The following SRBD1 variants were observed in gnomAD, a reference collection of about 807,000 sequenced individuals.
The protein encoded by SRBD1 is S1 RNA binding domain 1, also known as S1 RNA-binding domain-containing protein 1.
A neutral mutation model predicts 115.3 loss-of-function variants in SRBD1; 88 were observed. The ratio of observed to expected loss-of-function variants is 0.76; its 90% CI spans 0.64 to 0.91. The LOEUF (loss-of-function observed/expected upper bound fraction) is 0.91, where lower values mean the gene tolerates loss of function less well. SRBD1 is among the 40% of genes least tolerant of loss of function. SRBD1 has a pLI of 0.00. For missense variants in SRBD1, 1,385 were observed against 1,177.4 expected, an observed-to-expected ratio of 1.18 and a Z score of -2.58; for synonymous variants, 509 against 407.7, an observed-to-expected ratio of 1.25 and a Z score of -2.99.
chr2:45,573,208 T>G lies in SRBD1; in HGVS notation c.1304A>C (p.Gln435Pro), dbSNP rs763492258. ...TGCACATGCAGTTTCTTTATTTACCTGATGATGGTGAATGTTTCTTATGTT... is the reference window on the plus strand; with the variant it reads ...TGCACATGCAGTTTCTTTATTTACCGGATGATGGTGAATGTTTCTTATGTT... Reference protein sequence around the residue: ...SCNIRNIHHHQILAINRGENL... With the variant: ...SCNIRNIHHHPILAINRGENL... The change falls in exon 9 of 21, where the codon CAG becomes CCG. Residue 435 changes from glutamine (Q) to proline (P), a missense_variant and splice_region_variant. Coordinates refer to ENST00000263736, the MANE Select transcript of SRBD1 (RefSeq NM_018079.5). The G allele has an allele frequency of 1.2e-5, 19 of 1,603,052 alleles. No homozygotes were observed. The Admixed American group carries it at 3.3e-4, about 28-fold the overall frequency.
At chr2:45,447,880 T>C (rs1198156674) in intron 16 of SRBD1, 4 of 152,170 alleles carry the variant, frequency 2.6e-5, no homozygotes, top group Non-Finnish European at 5.9e-5. Context: ...CAAGTTTCCA[T>C]AGTAAACAGT....
intron 7 of SRBD1, among the ~76,000 whole-genome samples, chr2:45,575,844 C>A (rs184454947): frequency 2.5e-4 from 38 of 152,266 alleles, no homozygotes; most frequent in African/African-American, 8.9e-4. Flanking sequence ...ACAGGGATTA[C>A]AGGCACACAC....
intron 1 of SRBD1, among the ~76,000 whole-genome samples, chr2:45,605,873 C>T (rs542800570): frequency 2.8e-4 from 40 of 143,366 alleles, no homozygotes; most frequent in African/African-American, 1.0e-3. Flanking sequence ...AATTGCACTC[C>T]AGCCTGGGCA....
In SRBD1 at chr2:45,599,738, C is replaced by T. The variant is rs999278082; in HGVS notation, c.359G>A (p.Cys120Tyr). 8 of 1,614,078 alleles carry T rather than the reference C, an allele frequency of 5.0e-6. No homozygotes were observed. The African/African-American group carries it at 6.7e-5, about 13-fold the overall frequency. Residue 120 changes from cysteine to tyrosine, a missense_variant, in exon 4 of 21, where the codon TGT becomes TAT. Physicochemically the swap from Cys to Tyr is radical, Grantham distance 194. Transcript: ENST00000263736. ...TCGAACTGTATGTGGCTGCGCTGCA[C>T]ATTTCTGTTTTGTCTTGGCTGTTTT... ...TLKTAKTKQK[C>Y]AAQPHTVRRT... is the part of the protein sequence containing the mutation.
At chr2:45,496,028 C>T (rs574456423) in intron 14 of SRBD1, among the ~76,000 whole-genome samples, 1 of 152,074 alleles carries the variant, frequency 6.6e-6, no homozygotes, top group Admixed American at 6.6e-5. Context: ...CATATAATAC[C>T]AGATTATCTG....
intron 1 of SRBD1, among the ~76,000 whole-genome samples, chr2:45,606,127 T>G (rs1274291237): frequency 6.6e-6 from 1 of 151,042 alleles, no homozygotes; most frequent in Non-Finnish European, 1.5e-5. Context: ...TTAAACTATA[T>G]CTCAAAGACA....
At chr2:45,402,805 T>A (rs989440618) in intron 19 of SRBD1, among the ~76,000 whole-genome samples, 4 of 152,074 alleles carry the variant, frequency 2.6e-5, no homozygotes, top group Non-Finnish European at 4.4e-5. Context: ...CACATACAAA[T>A]CAGCATCATC....
At chr2:45,442,599 T>C (rs900190352) in intron 16 of SRBD1, among the ~76,000 whole-genome samples, 4 of 152,218 alleles carry the variant, frequency 2.6e-5, no homozygotes, top group African/African-American at 9.7e-5. Flanking sequence ...TCCTACGGTA[T>C]AGGAACCAAA....
At chr2:45,529,679 A>C (rs1320171842) in intron 14 of SRBD1, among the ~76,000 whole-genome samples, 1 of 152,000 alleles carries the variant, frequency 6.6e-6, no homozygotes, top group Non-Finnish European at 1.5e-5. Flanking sequence ...AAATGGGTTG[A>C]GTTAGGGATT....
intron 16 of SRBD1, among the ~76,000 whole-genome samples, chr2:45,448,728 G>A (rs1427023885): frequency 2.6e-5 from 4 of 152,134 alleles, no homozygotes; most frequent in Non-Finnish European, 1.5e-5. Context: ...AAGAACTGAA[G>A]CTACCCTGAA....
intron 16 of SRBD1, among the ~76,000 whole-genome samples, chr2:45,472,054 C>G (rs1364507892): frequency 6.6e-6 from 1 of 151,790 alleles, no homozygotes; most frequent in East Asian, 1.9e-4. Context: ...ATTTATAATA[C>G]TTGAAAGGTA....
chr2:45,560,070 G>A (rs1672611523), intron 10 of SRBD1, among the ~76,000 whole-genome samples: 2 of 151,930 alleles, frequency 1.3e-5, no homozygotes, highest in African/African-American at 2.4e-5. Context: ...GACAGACAGA[G>A]TGAGACCCTG....
chr2:45,567,373 G>A (rs982398525), intron 9 of SRBD1, among the ~76,000 whole-genome samples: 4 of 152,082 alleles, frequency 2.6e-5, no homozygotes, highest in Admixed American at 6.6e-5. Flanking sequence ...ACTTTGAGAG[G>A]CCAAAGCAGG....
chr2:45,411,421 A>G (rs767107814), intron 19 of SRBD1, among the ~76,000 whole-genome samples: 1 of 152,236 alleles, frequency 6.6e-6, no homozygotes, highest in Non-Finnish European at 1.5e-5. Flanking sequence ...GGTACTTGCT[A>G]CAACATGGAT....
intron 19 of SRBD1, among the ~76,000 whole-genome samples, chr2:45,404,944 T>C (rs1316126035): frequency 6.6e-6 from 1 of 152,122 alleles, no homozygotes; most frequent in East Asian, 1.9e-4. Flanking sequence ...CCTGGAACTC[T>C]TTCTCTAGAT....
At chr2:45,481,551 G>A (rs1669964356) in intron 15 of SRBD1, among the ~76,000 whole-genome samples, 1 of 152,084 alleles carries the variant, frequency 6.6e-6, no homozygotes, top group Admixed American at 6.6e-5. Context: ...CAAAGTAATA[G>A]AAGTCAAAAA....
At chr2:45,516,958 C>G (rs1671138693) in intron 14 of SRBD1, among the ~76,000 whole-genome samples, 1 of 152,156 alleles carries the variant, frequency 6.6e-6, no homozygotes, top group South Asian at 2.1e-4. Context: ...CCAAACATGT[C>G]CTGCACCCAT....
chr2:45,459,660 G>A (rs1669256309), intron 16 of SRBD1, among the ~76,000 whole-genome samples: 1 of 152,118 alleles, frequency 6.6e-6, no homozygotes, highest in Non-Finnish European at 1.5e-5. Context: ...TTTCACATAT[G>A]CACCTTGAGG....
intron 14 of SRBD1, among the ~76,000 whole-genome samples, chr2:45,518,518 T>G (rs1275218296): frequency 6.6e-6 from 1 of 152,196 alleles, no homozygotes; most frequent in Non-Finnish European, 1.5e-5. Flanking sequence ...AGAGGCCTCA[T>G]GGCCCCACCT....
Sources: gnomAD v4.1 joint callset for allele counts (sites outside exome capture counted in the v4.1 genomes callset) on GRCh38, gnomAD v4.1.1 for gene constraint, MANE v1.5 for transcripts, NCBI Gene and HGNC (gene_info 2026-07-23, HGNC 2026-07-21) for gene names.